Variants in SIPA1L3 observed in about 807,000 individuals in gnomAD.
The protein encoded by SIPA1L3 is signal induced proliferation associated 1 like 3.
A neutral mutation model predicts 150.1 loss-of-function variants in SIPA1L3; 59 were observed. The observed-to-expected ratio is 0.39, with a 90% CI of 0.32 to 0.49. The LOEUF (loss-of-function observed/expected upper bound fraction) is 0.49. SIPA1L3 is among the 20% of genes least tolerant of loss of function. SIPA1L3 has a pLI of 0.86. For missense variants in SIPA1L3, 2,211 were observed against 2,489.5 expected, an observed-to-expected ratio of 0.89 and a Z score of 2.38; for synonymous variants, 1,070 against 1,077.6, an observed-to-expected ratio of 0.99 and a Z score of 0.14.
At position 38,002,385 on chromosome 19, in the gene SIPA1L3, G is replaced by A. The variant is rs151328521; in HGVS notation, c.-378-26704G>A. Among the ~76,000 whole-genome samples the A allele has an allele frequency of 9.7e-4, 147 of 152,078 alleles. 2 individuals are homozygous for A. In the East Asian group the frequency reaches 0.019, roughly 20 times the overall value. Reference sequence around the variant, plus strand: ...ATATATCAGAATTTCCTTCCTTTATGAGGCTAAATAATATTCCAATTCATA... The same window carrying A: ...ATATATCAGAATTTCCTTCCTTTATAAGGCTAAATAATATTCCAATTCATA... On this transcript the variant is annotated intron_variant, in intron 1 of 21. Transcript: ENST00000222345.
At chr19:37,931,595 A>C (rs1183812122) in intron 1 of SIPA1L3, among the ~76,000 whole-genome samples, 1 of 151,600 alleles carries the variant, frequency 6.6e-6, no homozygotes, top group Non-Finnish European at 1.5e-5. Flanking sequence ...AAAAATAAAA[A>C]AAAAAGTAGC....
chr19:38,068,172 G>A (rs1050409537), intron 2 of SIPA1L3, among the ~76,000 whole-genome samples: 1 of 152,022 alleles, frequency 6.6e-6, no homozygotes, highest in South Asian at 2.1e-4. Flanking sequence ...ACAGGCGACC[G>A]CCACCATGCC....
chr19:38,127,270 C>T (rs1971198580), intron 9 of SIPA1L3, among the ~76,000 whole-genome samples: 1 of 152,182 alleles, frequency 6.6e-6, no homozygotes, highest in Admixed American at 6.5e-5. Flanking sequence ...TTTCTTCCTT[C>T]CCTCTCTTTC....
At chr19:37,978,216 C>T (rs1165369513) in intron 1 of SIPA1L3, among the ~76,000 whole-genome samples, 2 of 152,084 alleles carry the variant, frequency 1.3e-5, no homozygotes, top group East Asian at 1.9e-4. Context: ...GGAATGCAGT[C>T]GCTAATACAA....
intron 1 of SIPA1L3, among the ~76,000 whole-genome samples, chr19:37,972,168 A>AGTGTGTGTGTGTGTGTGTGT (rs34744094): frequency 1.9e-4 from 27 of 145,040 alleles, no homozygotes; most frequent in African/African-American, 6.9e-4. Flanking sequence ...AGAGATACCT[A>AGTGTGTGTGTGTGTGTGTGT]GTGTGTGTGT....
intron 4 of SIPA1L3, among the ~76,000 whole-genome samples, chr19:38,093,181 G>A (rs1970299612): frequency 6.6e-6 from 1 of 152,080 alleles, no homozygotes; most frequent in Admixed American, 6.6e-5. Context: ...TTTTTAACAG[G>A]AAGGTCAAGG....
At chr19:38,110,647 C>T (rs554082505) in intron 8 of SIPA1L3, among the ~76,000 whole-genome samples, 1 of 152,330 alleles carries the variant, frequency 6.6e-6, no homozygotes, top group East Asian at 1.9e-4. Flanking sequence ...GTCAATGTGG[C>T]TTAAGACAAA....
In SIPA1L3 at chr19:38,067,385, T is replaced by A. The variant is rs1969620080; in HGVS notation, c.-310-13871T>A. On this transcript the variant is annotated intron_variant, in intron 2 of 21. Coordinates refer to ENST00000222345, the MANE Select transcript of SIPA1L3 (RefSeq NM_015073.3). ...TTGAATGTAACAGCTGGACGTGGCC[T>A]CCCTCTCTCCTGTGGGGACTGCCCT... 5.3e-5 allele frequency among the ~76,000 whole-genome samples: 8 copies of A among 152,296 alleles called. No homozygotes were observed. The South Asian group carries it at 1.7e-3, about 32-fold the overall frequency.
At chr19:38,038,232 C>T (rs1968833874) in intron 2 of SIPA1L3, among the ~76,000 whole-genome samples, 1 of 152,118 alleles carries the variant, frequency 6.6e-6, no homozygotes, top group African/African-American at 2.4e-5. Context: ...AATGGCATGG[C>T]TGCTGGAAAG....
At chr19:38,099,243 C>G (rs1341775894) in intron 4 of SIPA1L3, among the ~76,000 whole-genome samples, 1 of 152,010 alleles carries the variant, frequency 6.6e-6, no homozygotes, top group African/African-American at 2.4e-5. Flanking sequence ...ACCATGTTGG[C>G]CAGGGTGGTC....
intron 13 of SIPA1L3, among the ~76,000 whole-genome samples, chr19:38,155,237 A>G (rs1057090930): frequency 1.1e-4 from 17 of 151,804 alleles, no homozygotes. Flanking sequence ...TTTATTTATT[A>G]TTTTTTAAAA....
intron 7 of SIPA1L3, 38 bp from the exon 8 acceptor site, chr19:38,110,189 G>T: frequency 6.2e-7 from 1 of 1,606,760 alleles, no homozygotes; most frequent in South Asian, 1.1e-5. Context: ...AGGCCGACCT[G>T]TGACAGGTTC....
At chr19:38,108,316 C>T (rs1970666648) in intron 7 of SIPA1L3, among the ~76,000 whole-genome samples, 1 of 152,082 alleles carries the variant, frequency 6.6e-6, no homozygotes, top group Non-Finnish European at 1.5e-5. Flanking sequence ...AGGCTCTTTC[C>T]CTCCATCACT....
intron 1 of SIPA1L3, among the ~76,000 whole-genome samples, chr19:37,961,019 C>T (rs1163048886): frequency 6.6e-6 from 1 of 151,986 alleles, no homozygotes; most frequent in Non-Finnish European, 1.5e-5. Context: ...CAGGCACCCG[C>T]CACCACACTT....
intron 2 of SIPA1L3, among the ~76,000 whole-genome samples, chr19:38,044,572 G>C (rs1969007776): frequency 6.6e-6 from 1 of 152,202 alleles, no homozygotes; most frequent in Non-Finnish European, 1.5e-5. Flanking sequence ...GTTCAAGAGA[G>C]ACGGGGCTTT....
chr19:37,989,665 CTTTTTTTT>C (rs74174502), intron 1 of SIPA1L3, among the ~76,000 whole-genome samples: 22 of 127,596 alleles, frequency 1.7e-4, no homozygotes, highest in African/African-American at 5.3e-4. Flanking sequence ...AGGATGAATT[CTTTTTTTT>C]TTTTTTTTTT....
intron 1 of SIPA1L3, among the ~76,000 whole-genome samples, chr19:37,922,202 C>T (rs969896320): frequency 1.3e-5 from 2 of 152,282 alleles, no homozygotes; most frequent in East Asian, 3.9e-4. Context: ...TCTCCTGCCT[C>T]AGCCTCCCTA....
In SIPA1L3 at chr19:38,207,387, CG is replaced by C. The variant is rs1019740337; in HGVS notation, c.*1148del. On this transcript the variant is annotated 3_prime_UTR_variant, in exon 22 of 22. Transcript: ENST00000222345. ...GTACCACGCTGTTCCTCCAGGAAACCGTTTCTTTTTTTCCTTCTTTAAAAGC... is the reference window on the plus strand; with the variant it reads ...GTACCACGCTGTTCCTCCAGGAAACCTTTCTTTTTTTCCTTCTTTAAAAGC... 6.7e-6 allele frequency: 1 copy of C among 148,964 alleles called. No individual in the cohort carries two copies. The highest frequency in any genetic ancestry group is 2.5e-5 in the African/African-American group (1 of 40,474). 9.2% of individuals were successfully genotyped at this position (148,964 alleles called of 1,614,324 possible).
intron 1 of SIPA1L3, among the ~76,000 whole-genome samples, chr19:38,009,120 C>T (rs566145126): frequency 7.9e-5 from 12 of 151,958 alleles, no homozygotes; most frequent in African/African-American, 1.7e-4. Context: ...CTGCAACCTC[C>T]GCCTCCCGGG....
Sources: gnomAD v4.1 joint callset for allele counts (sites outside exome capture counted in the v4.1 genomes callset) on GRCh38, gnomAD v4.1.1 for gene constraint, MANE v1.5 for transcripts, NCBI Gene and HGNC (gene_info 2026-07-23, HGNC 2026-07-21) for gene names.